The following DPYSL3 variants were observed in gnomAD, a reference collection of about 807,000 sequenced individuals.
DPYSL3 encodes the protein dihydropyrimidinase like 3, also known as dihydropyrimidinase-related protein 3.
A neutral mutation model predicts 66.1 loss-of-function variants in DPYSL3; 16 were observed. The ratio of observed to expected loss-of-function variants is 0.24; its 90% CI spans 0.16 to 0.37. The LOEUF (loss-of-function observed/expected upper bound fraction) is 0.37. DPYSL3 is among the 10% of genes least tolerant of loss of function. The pLI, the probability that DPYSL3 is intolerant of heterozygous loss-of-function variation, is 1.00. For missense variants in DPYSL3, 738 were observed against 916.2 expected, an observed-to-expected ratio of 0.81 and a Z score of 2.51; for synonymous variants, 338 against 345.1, an observed-to-expected ratio of 0.98 and a Z score of 0.23.
At chr5:147,452,468 CA>C (rs1302249643) in intron 1 of DPYSL3, among the ~76,000 whole-genome samples, 86 of 151,894 alleles carry the variant, frequency 5.7e-4, no homozygotes, top group African/African-American at 1.2e-3. Context: ...CACACACACA[CA>C]CCATCCAATT....
In DPYSL3 at chr5:147,509,375, GC is replaced by G; in HGVS notation, c.381+102del. On this transcript the variant is annotated intron_variant, in intron 1 of 13. Coordinates refer to ENST00000343218, the MANE Select transcript of DPYSL3 (RefSeq NM_001197294.2). This position sits in a 1 kb window ranked among gnomAD's most constrained non-coding sequence, Gnocchi z 5.3. Reference sequence around the variant, plus strand: ...ACCCTTTCCTCCTCCTTGTCCCCCAGCCCCGTGCAAAGTGAGCTGGAGAAAG... The same window carrying G: ...ACCCTTTCCTCCTCCTTGTCCCCCAGCCCGTGCAAAGTGAGCTGGAGAAAG... The G allele has an allele frequency of 7.2e-7, 1 of 1,387,882 alleles. No individual in the cohort carries two copies. Among genetic ancestry groups the G allele is most frequent in the Non-Finnish European group, 9.5e-7 (1 of 1,055,222 alleles). The allele number at this position is 1,387,882 out of a possible 1,614,324, so 86.0% of individuals were successfully genotyped here.
chr5:147,428,373 A>G (rs1468194628), intron 1 of DPYSL3, among the ~76,000 whole-genome samples: 2 of 152,004 alleles, frequency 1.3e-5, no homozygotes, highest in African/African-American at 4.8e-5. Context: ...TATCCTCCCC[A>G]ATTTTAACTC....
At chr5:147,499,943 TATA>T (rs1235880398) in intron 1 of DPYSL3, among the ~76,000 whole-genome samples, 2 of 151,922 alleles carry the variant, frequency 1.3e-5, no homozygotes, top group African/African-American at 4.8e-5. Context: ...ATGGAGAAAA[TATA>T]ATATTTCCAA....
chr5:147,440,698 G>A (rs952751842), intron 1 of DPYSL3, among the ~76,000 whole-genome samples: 2 of 152,124 alleles, frequency 1.3e-5, no homozygotes, highest in African/African-American at 4.8e-5. Context: ...AAAATCAGGG[G>A]CCAAATATTT....
intron 1 of DPYSL3, among the ~76,000 whole-genome samples, chr5:147,427,994 A>T (rs1752228099): frequency 6.6e-6 from 1 of 152,160 alleles, no homozygotes; most frequent in Admixed American, 6.5e-5. Context: ...TGGTGTGATC[A>T]TCACTCCCTT....
At chr5:147,407,886 A>G (rs1170358488) in intron 7 of DPYSL3, among the ~76,000 whole-genome samples, 1 of 152,200 alleles carries the variant, frequency 6.6e-6, no homozygotes, top group African/African-American at 2.4e-5. Context: ...CTAGTGTAAC[A>G]CTAGCTAAGT....
intron 1 of DPYSL3, among the ~76,000 whole-genome samples, chr5:147,462,098 T>C (rs1752942195): frequency 1.3e-5 from 2 of 151,818 alleles, no homozygotes; most frequent in Non-Finnish European, 2.9e-5. Flanking sequence ...GCCTGACAAA[T>C]ACCAGAGCAT....
chr5:147,451,972 T>TA (rs1752736956), intron 1 of DPYSL3, among the ~76,000 whole-genome samples: 1 of 152,002 alleles, frequency 6.6e-6, no homozygotes, highest in African/African-American at 2.4e-5. Context: ...TGCCATCAGG[T>TA]AGTGGTAAAG....
chr5:147,503,661 A>G (rs1753645845), intron 1 of DPYSL3, among the ~76,000 whole-genome samples: 1 of 152,210 alleles, frequency 6.6e-6, no homozygotes, highest in Non-Finnish European at 1.5e-5. Flanking sequence ...AAACATATAT[A>G]CACACACAAG....
intron 1 of DPYSL3, among the ~76,000 whole-genome samples, chr5:147,463,099 C>T (rs1459477637): frequency 7.9e-5 from 12 of 152,186 alleles, no homozygotes; most frequent in Admixed American, 7.2e-4. Flanking sequence ...CATAAGTAGG[C>T]TACCTGAGCA....
At chr5:147,430,115 G>A (rs554481973) in intron 1 of DPYSL3, among the ~76,000 whole-genome samples, 5 of 151,804 alleles carry the variant, frequency 3.3e-5, no homozygotes, top group African/African-American at 1.2e-4. Flanking sequence ...AATGAATAAA[G>A]GAAGGAAGTA....
At chr5:147,414,105 G>A (rs1011724570) in intron 4 of DPYSL3, among the ~76,000 whole-genome samples, 2 of 152,122 alleles carry the variant, frequency 1.3e-5, no homozygotes, top group African/African-American at 4.8e-5. Context: ...CCTGTTAAAT[G>A]GAAAAATAAC....
chr5:147,430,523 AAG>A (rs1752294041), intron 1 of DPYSL3, among the ~76,000 whole-genome samples: 4 of 151,330 alleles, frequency 2.6e-5, no homozygotes, highest in African/African-American at 4.9e-5. Flanking sequence ...AAAAAAAAAA[AAG>A]AAAAAAAAGG....
chr5:147,502,355 G>GA (rs1291066876), intron 1 of DPYSL3, among the ~76,000 whole-genome samples: 41 of 147,840 alleles, frequency 2.8e-4, no homozygotes, highest in African/African-American at 9.9e-4. Flanking sequence ...TCACTTTTGG[G>GA]AAAAAAATGC....
intron 1 of DPYSL3, among the ~76,000 whole-genome samples, chr5:147,469,217 G>A (rs1291666985): frequency 6.6e-6 from 1 of 152,162 alleles, no homozygotes; most frequent in African/African-American, 2.4e-5. Flanking sequence ...GCAGCTGTAG[G>A]GCAATATCAA....
intron 2 of DPYSL3, 65 bp downstream of exon 2, chr5:147,424,810 C>G (rs142155913): frequency 1.7e-5 from 21 of 1,245,888 alleles, no homozygotes; most frequent in Non-Finnish European, 2.3e-5. Flanking sequence ...AATCCAACCT[C>G]CTTTATGAGC....
At chr5:147,477,842 A>T (rs1171043824) in intron 1 of DPYSL3, among the ~76,000 whole-genome samples, 1 of 151,474 alleles carries the variant, frequency 6.6e-6, no homozygotes, top group Non-Finnish European at 1.5e-5. Context: ...TCGGCCTCCC[A>T]AAGTGCTGGG....
At chr5:147,507,178 T>C (rs1460155642) in intron 1 of DPYSL3, among the ~76,000 whole-genome samples, 3 of 152,136 alleles carry the variant, frequency 2.0e-5, no homozygotes, top group Admixed American at 6.5e-5. Context: ...TGGGGGTTGT[T>C]TGTTACTATG....
chr5:147,505,802 A>G (rs577239717), intron 1 of DPYSL3, among the ~76,000 whole-genome samples: 2 of 152,302 alleles, frequency 1.3e-5, no homozygotes, highest in African/African-American at 2.4e-5. Flanking sequence ...CAATAGAAGA[A>G]GGGTTCTAGA....
Sources: gnomAD v4.1 joint callset for allele counts (sites outside exome capture counted in the v4.1 genomes callset) on GRCh38, gnomAD v4.1.1 for gene constraint, Gnocchi (gnomAD v3.1) non-coding constraint, MANE v1.5 for transcripts, NCBI Gene and HGNC (gene_info 2026-07-23, HGNC 2026-07-21) for gene names.